Variants in SYT14 observed in about 807,000 individuals in gnomAD.
The protein encoded by SYT14 is synaptotagmin-14.
A neutral mutation model predicts 74.2 loss-of-function variants in SYT14; 32 were observed. The observed-to-expected ratio is 0.43, with a 90% CI of 0.33 to 0.58. SYT14 has a LOEUF of 0.58. SYT14 is among the 20% of genes least tolerant of loss of function. SYT14 has a pLI of 0.05. For synonymous variants in SYT14, 298 were observed against 337.7 expected, an observed-to-expected ratio of 0.88 and a Z score of 1.29; for missense variants, 791 against 981.8, an observed-to-expected ratio of 0.81 and a Z score of 2.60.
At chr1:209,962,758 A>G (rs1344125654) in intron 2 of SYT14, among the ~76,000 whole-genome samples, 2 of 152,290 alleles carry the variant, frequency 1.3e-5, no homozygotes, top group South Asian at 2.1e-4. Flanking sequence ...TATGGAGGTC[A>G]TAGGAGTACA....
At chr1:209,970,628 G>A (rs2079234536) in intron 2 of SYT14, among the ~76,000 whole-genome samples, 1 of 135,256 alleles carries the variant, frequency 7.4e-6, no homozygotes, top group African/African-American at 2.7e-5. Context: ...GGTAGGAATA[G>A]CATTGAATTT....
exon 10 of SYT14, chr1:210,167,011 T>C (rs1352546730): frequency 6.6e-6 from 1 of 152,210 alleles, no homozygotes; most frequent in Admixed American, 6.5e-5. Flanking sequence ...TCAAAGTGTT[T>C]CTTGGTATAA....
chr1:210,115,398 G>A (rs2082339840), intron 7 of SYT14, among the ~76,000 whole-genome samples: 1 of 150,422 alleles, frequency 6.6e-6, no homozygotes, highest in East Asian at 1.9e-4. Flanking sequence ...TTGCCACTAA[G>A]GGTGAAGGAT....
At chr1:210,059,114 C>G (rs1282091980) in intron 5 of SYT14, among the ~76,000 whole-genome samples, 1 of 151,810 alleles carries the variant, frequency 6.6e-6, no homozygotes, top group African/African-American at 2.4e-5. Context: ...TAAGTTAGAC[C>G]TGGGAATGGA....
intron 9 of SYT14, among the ~76,000 whole-genome samples, chr1:210,159,830 G>A (rs1020913811): frequency 3.3e-5 from 5 of 152,084 alleles, no homozygotes; most frequent in African/African-American, 1.2e-4. Flanking sequence ...ACATGCTGAA[G>A]ATCATTTGCA....
chr1:210,058,415 G>A (rs144770752), intron 5 of SYT14, among the ~76,000 whole-genome samples: 85 of 152,274 alleles, frequency 5.6e-4, no homozygotes, highest in African/African-American at 1.7e-3. Context: ...TGAAGAACAC[G>A]GAGATATTTT....
At chr1:210,157,901 A>G (rs2083300055) in intron 8 of SYT14, among the ~76,000 whole-genome samples, 1 of 152,200 alleles carries the variant, frequency 6.6e-6, no homozygotes, top group Non-Finnish European at 1.5e-5. Context: ...GGTTTGCCCC[A>G]AATAACATTG....
chr1:210,131,529 TA>T (rs1434034857), intron 7 of SYT14, among the ~76,000 whole-genome samples: 1 of 151,726 alleles, frequency 6.6e-6, no homozygotes, highest in Non-Finnish European at 1.5e-5. Context: ...ATTATCCTTC[TA>T]TTTTTTATCA....
At chr1:210,000,463 T>TACACACACACACACACACAC (rs1238374511) in intron 2 of SYT14, among the ~76,000 whole-genome samples, 5 of 67,760 alleles carry the variant, frequency 7.4e-5, no homozygotes, top group African/African-American at 4.5e-4. Flanking sequence ...TTTGTCCTCA[T>TACACACACACACACACACAC]ACGCACACAC....
chr1:209,947,925 G>A (rs1013594350), intron 1 of SYT14, among the ~76,000 whole-genome samples: 2 of 152,076 alleles, frequency 1.3e-5, no homozygotes, highest in South Asian at 2.1e-4. Context: ...GAGACCCTTC[G>A]CCAGCAAAAA....
intron 2 of SYT14, among the ~76,000 whole-genome samples, chr1:210,005,586 G>A (rs1292301312): frequency 6.6e-6 from 1 of 151,824 alleles, no homozygotes; most frequent in Admixed American, 6.6e-5. Flanking sequence ...CATTGAATAG[G>A]TAATGAAAAA....
At chr1:210,091,269 A>G (rs2081861761) in intron 5 of SYT14, among the ~76,000 whole-genome samples, 1 of 152,186 alleles carries the variant, frequency 6.6e-6, no homozygotes. Flanking sequence ...AAGCAAACCA[A>G]AGGAAATAAG....
chr1:210,004,626 G>A (rs1381057730), intron 2 of SYT14, among the ~76,000 whole-genome samples: 1 of 151,788 alleles, frequency 6.6e-6, no homozygotes, highest in African/African-American at 2.4e-5. Context: ...CTTACTTATT[G>A]AAAAGTAGCT....
intron 5 of SYT14, among the ~76,000 whole-genome samples, chr1:210,038,757 T>A (rs1053393089): frequency 5.3e-5 from 8 of 152,278 alleles, no homozygotes; most frequent in Admixed American, 5.2e-4. Context: ...CTCTTCTTGC[T>A]TATACAGTTT....
At chr1:210,114,427 GA>G (rs2082319655) in intron 7 of SYT14, among the ~76,000 whole-genome samples, 1 of 151,348 alleles carries the variant, frequency 6.6e-6, no homozygotes, top group African/African-American at 2.5e-5. Context: ...CCTTGAAGGC[GA>G]GGTTAATCAA....
exon 10 of SYT14, chr1:210,170,306 C>G (rs2083511174): frequency 6.6e-6 from 1 of 151,698 alleles, no homozygotes; most frequent in South Asian, 2.1e-4. Context: ...GTGAAGCAGT[C>G]TGTTTTATAG....
chr1:209,944,303 CA>C (rs1315162796), intron 1 of SYT14, among the ~76,000 whole-genome samples: 2 of 152,066 alleles, frequency 1.3e-5, no homozygotes, highest in African/African-American at 4.8e-5. Context: ...ATCTGGCAGT[CA>C]AAAACGTAAT....
intron 5 of SYT14, among the ~76,000 whole-genome samples, chr1:210,022,527 A>C (rs2080325873): frequency 6.6e-6 from 1 of 152,184 alleles, no homozygotes; most frequent in Non-Finnish European, 1.5e-5. Flanking sequence ...CAGGAAGAGA[A>C]TGTGTTTTGA....
At chr1:210,151,668 T>C (rs1258112010) in intron 7 of SYT14, among the ~76,000 whole-genome samples, 1 of 152,202 alleles carries the variant, frequency 6.6e-6, no homozygotes, top group African/African-American at 2.4e-5. Flanking sequence ...TTAGCACTTT[T>C]TCTAGGGCAT....
Sources: gnomAD v4.1 joint callset for allele counts (sites outside exome capture counted in the v4.1 genomes callset) on GRCh38, gnomAD v4.1.1 for gene constraint, MANE v1.5 for transcripts, NCBI Gene and HGNC (gene_info 2026-07-23, HGNC 2026-07-21) for gene names.